The following MSH5 variants were observed in gnomAD, a reference collection of about 807,000 sequenced individuals.
MSH5 encodes mutS homolog 5.
Under a neutral mutation model 107.7 loss-of-function variants are expected in MSH5, and 78 were observed. The observed-to-expected ratio is 0.72, with a 90% CI of 0.60 to 0.87. The LOEUF (loss-of-function observed/expected upper bound fraction) is 0.87, where lower values mean the gene tolerates loss of function less well. Ranked by LOEUF, MSH5 falls within the 40% of genes least tolerant of loss-of-function variation. The pLI, the probability that MSH5 is intolerant of heterozygous loss-of-function variation, is 0.00. For synonymous variants in MSH5, 326 were observed against 399.5 expected, an observed-to-expected ratio of 0.82 and a Z score of 2.19; for missense variants, 889 against 1,046.6, an observed-to-expected ratio of 0.85 and a Z score of 2.08.
Position 31,740,422 on chromosome 6 carries a change from T to C in MSH5, c.-13-32T>C, listed in dbSNP as rs1808736555. 1 of 1,542,042 alleles carries C rather than the reference T, an allele frequency of 6.5e-7. No individual in the cohort carries two copies. The highest frequency in any genetic ancestry group is 8.7e-7 in the Non-Finnish European group (1 of 1,143,176). The stretch of plus-strand genomic sequence containing the variant: ...CCCGGCCTCCTCTGTGAATCGTTGC[T>C]TCCGAACCGCCCTCACTTTTTGCAT... On this transcript the variant is annotated intron_variant, in intron 1 of 24. Coordinates refer to ENST00000375750, the MANE Select transcript of MSH5 (RefSeq NM_172166.4). The surrounding 1 kb of genome is among the most constrained non-coding windows in gnomAD (Gnocchi z 4.4).
At chr6:31,753,776 T>C (rs566067716) in intron 12 of MSH5, 147 bp downstream of exon 12, 2 of 747,048 alleles carry the variant, frequency 2.7e-6, no homozygotes, top group East Asian at 5.5e-5. Flanking sequence ...TCGCCCAGGC[T>C]GAAGTGCCAT....
intron 9 of MSH5, 34 bp from the exon 10 acceptor site, chr6:31,747,353 G>A (rs1312099869): frequency 1.2e-6 from 2 of 1,611,490 alleles, no homozygotes. Context: ...TCCCTGCCTT[G>A]TAACAAGTTC....
Position 31,760,560 on chromosome 6 carries a change from G to C in MSH5, c.1813-130G>C. On this transcript the variant is annotated intron_variant, in intron 19 of 24. Transcript: ENST00000375750. The surrounding 1 kb of genome is among the most constrained non-coding windows in gnomAD (Gnocchi z 5.6). The stretch of plus-strand genomic sequence containing the variant: ...GATTCGGGGAGGAGAGACAGAGTCA[G>C]TGTGTCTGTTACCTATTTCTCCTGT... 1.6e-6 allele frequency: 2 copies of C among 1,221,304 alleles called. No homozygotes were observed. The highest frequency in any genetic ancestry group is 2.4e-6 in the Non-Finnish European group (2 of 839,272). 75.7% of individuals were successfully genotyped at this position (1,221,304 alleles called of 1,614,324 possible).
chr6:31,761,261 C>A lies in MSH5; in HGVS notation c.2036C>A (p.Thr679Lys). 1 of 1,613,524 alleles carries A rather than the reference C, an allele frequency of 6.2e-7. No individual in the cohort carries two copies. Among genetic ancestry groups the A allele is most frequent in the Non-Finnish European group, 8.5e-7 (1 of 1,179,976 alleles). ...LIDEFGKGTNTVDGLALLAAV... is the reference protein window; with the variant it reads ...LIDEFGKGTNKVDGLALLAAV... ...GATGAATTTGGAAAGGGAACCAACA[C>A]GGTGAGGGGAGAAACTGATGAGGGG... The change falls in exon 21 of 25, where the codon ACG (threonine) becomes AAG (lysine). Residue 679 changes from threonine to lysine, a missense_variant and splice_region_variant. This residue lies in a region of MSH5 where 362 missense variants were observed against 456.2 expected (regional missense o/e 0.79). Coordinates refer to ENST00000375750, the MANE Select transcript of MSH5 (RefSeq NM_172166.4). The surrounding 1 kb of genome is among the most constrained non-coding windows in gnomAD (Gnocchi z 5.3).
At position 31,761,622 on chromosome 6, in the gene MSH5, A is replaced by G. The variant is rs913130679; in HGVS notation, c.2181+7A>G. 1.9e-6 allele frequency: 3 copies of G among 1,613,994 alleles called. No homozygotes were observed. Among genetic ancestry groups the G allele is most frequent in the Non-Finnish European group, 2.5e-6 (3 of 1,180,026 alleles). On this transcript the variant is annotated splice_region_variant and intron_variant, in intron 22 of 24. Coordinates refer to ENST00000375750, the MANE Select transcript of MSH5 (RefSeq NM_172166.4). This position sits in a 1 kb window ranked among gnomAD's most constrained non-coding sequence, Gnocchi z 5.3. ...GCCCCTGGTGCAGTATTTGGTGAGGAGACCAATCTAGCTCCTCGGGGACCC... is the reference window on the plus strand; with the variant it reads ...GCCCCTGGTGCAGTATTTGGTGAGGGGACCAATCTAGCTCCTCGGGGACCC...
At chr6:31,745,789 A>G (rs707914) in intron 9 of MSH5, among the ~76,000 whole-genome samples, 14,518 of 119,770 alleles carry the variant, frequency 0.12, 991 homozygotes, top group African/African-American at 0.24. Flanking sequence ...TTTTTTTGAT[A>G]CAGAGTCTCG....
rs1811015977 is a variant in MSH5 at position 31,761,703 on chromosome 6, C to T, written c.2181+88C>T. On this transcript the variant is annotated intron_variant, in intron 22 of 24. Transcript: ENST00000375750. This position sits in a 1 kb window ranked among gnomAD's most constrained non-coding sequence, Gnocchi z 5.3. ...TGGCTCCTCTATCAGAACAAGGGCT[C>T]CCTCAGCACAGAGACCACATCCCTT... 6.2e-7 allele frequency: 1 copy of T among 1,612,548 alleles called. No individual in the cohort carries two copies. The highest frequency in any genetic ancestry group is 8.5e-7 in the Non-Finnish European group (1 of 1,179,284).
At position 31,748,322 on chromosome 6, in the gene MSH5, CAG is replaced by C. The variant is rs542673918; in HGVS notation, c.812+894_812+895del. 3.0e-3 allele frequency among the ~76,000 whole-genome samples: 439 copies of C among 148,110 alleles called. 2 individuals carry two copies. The highest frequency in any genetic ancestry group is 9.6e-3 in the African/African-American group (387 of 40,374). On this transcript the variant is annotated intron_variant, in intron 10 of 24. Transcript: ENST00000375750. ...AAACAAAAAACCTGTCATTCCAAAA[CAG>C]AGATCTAAGCATGTCACTCCTTTTT...
chr6:31,743,946 C>A lies in MSH5; in HGVS notation c.458C>A (p.Ser153Tyr). 1 of 1,613,668 alleles carries A rather than the reference C, an allele frequency of 6.2e-7. No homozygotes were observed. ...CAACGCCTCCTTTCTGGAAACTACT[C>A]CTTCATCCCAGACGCCATGACTGCC... ...SKQRLLSGNY[S>Y]FIPDAMTATE... Residue 153 changes from serine (S) to tyrosine (Y), a missense_variant, in exon 6 of 25, where the codon TCC becomes TAC. This residue lies in a region of MSH5 where 518 missense variants were observed against 565.0 expected (regional missense o/e 0.92). Coordinates refer to ENST00000375750, the MANE Select transcript of MSH5 (RefSeq NM_172166.4).
In MSH5 at chr6:31,758,272, C is replaced by T. The variant is rs780427165; in HGVS notation, c.1122C>T (p.Ile374=). 6.2e-6 allele frequency: 10 copies of T among 1,612,792 alleles called. No individual in the cohort carries two copies. The highest frequency in any genetic ancestry group is 2.7e-5 in the African/African-American group (2 of 74,874). The part of the protein sequence containing the change: ...AQEFSDDLHH[I]ASLIGKVVDF... ...AGTTCTCTGATGACCTGCACCATATCGCCAGCCTCATTGGGAAAGTAGTGA... is the reference window on the plus strand; with the variant it reads ...AGTTCTCTGATGACCTGCACCATATTGCCAGCCTCATTGGGAAAGTAGTGA... Residue 374 remains isoleucine (I), a synonymous_variant, in exon 13 of 25, where the codon ATC becomes ATT. Coordinates refer to ENST00000375750, the MANE Select transcript of MSH5 (RefSeq NM_172166.4). This position sits in a 1 kb window ranked among gnomAD's most constrained non-coding sequence, Gnocchi z 5.1.
rs1304430666 is a variant in MSH5 at position 31,758,431 on chromosome 6, G to C, written c.1144-117G>C. 14 of 1,546,164 alleles carry C rather than the reference G, an allele frequency of 9.1e-6. No homozygotes were observed. Among genetic ancestry groups the C allele is most frequent in the Non-Finnish European group, 1.2e-5 (14 of 1,125,432 alleles). ...GTGGGAGGAGGCAGCAGAACTTCAG[G>C]GAAGTATCTGGAGGGTGAGAGTTAA... On this transcript the variant is annotated intron_variant, in intron 13 of 24. Coordinates refer to ENST00000375750, the MANE Select transcript of MSH5 (RefSeq NM_172166.4). The surrounding 1 kb of genome is among the most constrained non-coding windows in gnomAD (Gnocchi z 5.1).
Position 31,762,609 on chromosome 6 carries a change from A to G in MSH5, c.*78A>G. Reference sequence around the variant, plus strand: ...CCCTCTTTGTTTCCTTATCTCCCTCAGACGCAGAGTTTTTAGTTTCTCTAG... The same window carrying G: ...CCCTCTTTGTTTCCTTATCTCCCTCGGACGCAGAGTTTTTAGTTTCTCTAG... On this transcript the variant is annotated 3_prime_UTR_variant, in exon 25 of 25. Coordinates refer to ENST00000375750, the MANE Select transcript of MSH5 (RefSeq NM_172166.4). The G allele has an allele frequency of 1.2e-6, 1 of 833,572 alleles. No individual in the cohort carries two copies. Among genetic ancestry groups the G allele is most frequent in the Non-Finnish European group, 2.0e-6 (1 of 504,744 alleles). The allele number at this position is 833,572 out of a possible 1,614,324, so 51.6% of individuals were successfully genotyped here.
In MSH5 at chr6:31,753,599, C is replaced by G. The variant is rs1810170521; in HGVS notation, c.984C>G (p.Thr328=). The G allele has an allele frequency of 3.1e-6, 5 of 1,614,146 alleles. No individual in the cohort carries two copies. Among genetic ancestry groups the G allele is most frequent in the Non-Finnish European group, 4.2e-6 (5 of 1,180,028 alleles). The change falls in exon 12 of 25, where the codon ACC becomes ACG. Residue 328 remains threonine, a synonymous_variant. Transcript: ENST00000375750. ...TGAAACGCATGAAGTTGTCCCACACCAAGGTCAGCGACTGGCAGGTTCTCT... is the reference window on the plus strand; with the variant it reads ...TGAAACGCATGAAGTTGTCCCACACGAAGGTCAGCGACTGGCAGGTTCTCT... The part of the protein sequence containing the change: ...LILKRMKLSH[T]KVSDWQVLYK...
chr6:31,746,113 T>TGTGTGTGTGTGTGTGTGTGTGAGA (rs769490049), intron 9 of MSH5: 1 of 150,554 alleles, frequency 6.6e-6, no homozygotes, highest in Non-Finnish European at 1.4e-5. Flanking sequence ...TGTGTGTGTG[T>TGTGTGTGTGTGTGTGTGTGTGAGA]GAGACGAAGT....
chr6:31,755,839 A>G (rs1041713756), intron 12 of MSH5, among the ~76,000 whole-genome samples: 2 of 151,858 alleles, frequency 1.3e-5, no homozygotes, highest in African/African-American at 4.8e-5. Context: ...TTCCTTCTCT[A>G]TCTTTTCTCT....
rs1810931019 is a variant in MSH5 at position 31,760,896 on chromosome 6, C to G, written c.1962+57C>G. Reference sequence around the variant, plus strand: ...GAAGGGGATAATGGGAAAGGAACCCCTGAAAATGCTCATAACAGGAAAGCA... The same window carrying G: ...GAAGGGGATAATGGGAAAGGAACCCGTGAAAATGCTCATAACAGGAAAGCA... On this transcript the variant is annotated intron_variant, in intron 20 of 24. Transcript: ENST00000375750. The surrounding 1 kb of genome is among the most constrained non-coding windows in gnomAD (Gnocchi z 5.6). The G allele has an allele frequency of 6.4e-7, 1 of 1,562,072 alleles. No individual in the cohort carries two copies. Among genetic ancestry groups the G allele is most frequent in the African/African-American group, 1.4e-5 (1 of 73,816 alleles).
rs1337037258 is a variant in MSH5, at chr6:31,753,416, C to T, written c.928C>T (p.Leu310=). ...LDMAQMLHRL[L]GHIKNVPLIL... ...CATGGCTCAGATGCTGCATCGGCTC[C>T]TGGGTCACATCAAGAACGTGCCTGT... is the stretch of plus-strand genomic sequence containing the variant. The change falls in exon 11 of 25, where the codon CTG becomes TTG. Residue 310 remains leucine (L), a synonymous_variant. Transcript: ENST00000375750. 1.9e-6 allele frequency: 3 copies of T among 1,614,136 alleles called. No homozygotes were observed. Among genetic ancestry groups the T allele is most frequent in the South Asian group, 2.2e-5 (2 of 91,084 alleles).
chr6:31,761,062 T>C lies in MSH5; in HGVS notation c.1963-126T>C. On this transcript the variant is annotated intron_variant, in intron 20 of 24. Coordinates refer to ENST00000375750, the MANE Select transcript of MSH5 (RefSeq NM_172166.4). This position sits in a 1 kb window ranked among gnomAD's most constrained non-coding sequence, Gnocchi z 5.3. The stretch of plus-strand genomic sequence containing the variant: ...AAAGAGGATGAACAAAGCGTGCACC[T>C]CACCATTCAAGAACTTGCAGTGCAG... The C allele has an allele frequency of 9.5e-7, 1 of 1,052,500 alleles. No homozygotes were observed. The highest frequency in any genetic ancestry group is 1.4e-6 in the Non-Finnish European group (1 of 714,744). 65.2% of individuals were successfully genotyped at this position (1,052,500 alleles called of 1,614,324 possible).
Position 31,758,860 on chromosome 6 carries a change from C to T in MSH5, c.1311C>T (p.Val437=). The T allele has an allele frequency of 6.2e-7, 1 of 1,613,906 alleles. No homozygotes were observed. The highest frequency in any genetic ancestry group is 8.5e-7 in the Non-Finnish European group (1 of 1,179,800). Residue 437 remains valine, a synonymous_variant, in exon 15 of 25, where the codon GTC becomes GTT. Coordinates refer to ENST00000375750, the MANE Select transcript of MSH5 (RefSeq NM_172166.4). This position sits in a 1 kb window ranked among gnomAD's most constrained non-coding sequence, Gnocchi z 5.1. ...ACTCCCGTATTCCTTCATGCAGTGT[C>T]ATCTACATCCCTCTGGTGAGGGCAG... ...NLDSRIPSCS[V]IYIPLIGFLL...
Sources: allele counts gnomAD v4.1 joint callset (sites outside exome capture counted in the v4.1 genomes callset), GRCh38; gene constraint gnomAD v4.1.1; regional missense constraint gnomAD v4.1.1; non-coding constraint Gnocchi (gnomAD v3.1); transcripts MANE v1.5; gene names NCBI Gene and HGNC (gene_info 2026-07-23, HGNC 2026-07-21).